DENND2C: variants seen among roughly 807,000 people sequenced by gnomAD.
DENND2C encodes the protein DENN domain containing 2C.
A neutral mutation model predicts 112.4 loss-of-function variants in DENND2C; 72 were observed. That is an observed-to-expected ratio of 0.64 (90% confidence interval 0.53 to 0.78). The LOEUF (loss-of-function observed/expected upper bound fraction) is 0.78, where lower values mean the gene tolerates loss of function less well. DENND2C is among the 30% of genes least tolerant of loss of function. DENND2C has a pLI of 0.00. For synonymous variants in DENND2C, 329 were observed against 381.6 expected, an observed-to-expected ratio of 0.86 and a Z score of 1.61; for missense variants, 992 against 1,113.8, an observed-to-expected ratio of 0.89 and a Z score of 1.56.
chr1:114,650,993 C>CAGGTGCAAAATCCATGGATACAGAA (rs1657144525), intron 2 of DENND2C, among the ~76,000 whole-genome samples: 1 of 152,030 alleles, frequency 6.6e-6, no homozygotes, highest in South Asian at 2.1e-4. Context: ...CCTGTAGTCC[C>CAGGTGCAAAATCCATGGATACAGAA]AGCTACTTGG....
At chr1:114,611,997 AT>A (rs1377852438) in intron 8 of DENND2C, among the ~76,000 whole-genome samples, 1 of 152,234 alleles carries the variant, frequency 6.6e-6, no homozygotes, top group Non-Finnish European at 1.5e-5. Flanking sequence ...CTGGGAAAAT[AT>A]TTGTAAACAC....
In DENND2C at chr1:114,600,363, A is replaced by T. The variant is rs1341308115; in HGVS notation, c.1957-11T>A. On this transcript the variant is annotated splice_polypyrimidine_tract_variant and intron_variant, in intron 14 of 20. Coordinates refer to ENST00000393274, the MANE Select transcript of DENND2C (RefSeq NM_001256404.2). ...GCAGAGTTCAATGGACTGAAATGCA[A>T]GAAGTTGAATCAGGTGAGCTAATGT... 1 of 1,613,918 alleles carries T rather than the reference A, an allele frequency of 6.2e-7. No homozygotes were observed. The highest frequency in any genetic ancestry group is 8.5e-7 in the Non-Finnish European group (1 of 1,179,856).
At chr1:114,602,729 A>C (rs568403608) in intron 11 of DENND2C, among the ~76,000 whole-genome samples, 19 of 152,038 alleles carry the variant, frequency 1.2e-4, no homozygotes, top group Non-Finnish European at 2.6e-4. Context: ...ATGCCCCACT[A>C]ATCTTTTAAT....
At chr1:114,655,274 T>C (rs1657277009) in intron 1 of DENND2C, among the ~76,000 whole-genome samples, 2 of 152,084 alleles carry the variant, frequency 1.3e-5, no homozygotes, top group Non-Finnish European at 2.9e-5. Context: ...CATTAGAAAA[T>C]TATATGCATC....
chr1:114,616,434 C>T (rs1655974855), intron 8 of DENND2C, among the ~76,000 whole-genome samples: 1 of 151,788 alleles, frequency 6.6e-6, no homozygotes. Flanking sequence ...TAGAAGTCTG[C>T]AAAAAGAAGA....
At chr1:114,611,480 C>G (rs574976197) in intron 8 of DENND2C, among the ~76,000 whole-genome samples, 4 of 152,032 alleles carry the variant, frequency 2.6e-5, no homozygotes, top group Non-Finnish European at 4.4e-5. Context: ...GTATCAAAGG[C>G]AAACACCAAC....
intron 11 of DENND2C, among the ~76,000 whole-genome samples, chr1:114,602,983 C>T (rs1278895444): frequency 6.6e-6 from 1 of 152,064 alleles, no homozygotes; most frequent in African/African-American, 2.4e-5. Context: ...CTGTATAGAG[C>T]AGCAATAGGC....
chr1:114,584,660 C>T lies in DENND2C; in HGVS notation c.*940G>A, dbSNP rs572069958. On this transcript the variant is annotated 3_prime_UTR_variant, in exon 21 of 21. Coordinates refer to ENST00000393274, the MANE Select transcript of DENND2C (RefSeq NM_001256404.2). ...GGTTGAGATGATATGCATACATATA[C>T]CACAGTGCATGGCACATGGTGGACA... The T allele has an allele frequency of 6.6e-6, 1 of 152,260 alleles. No homozygotes were observed. Among genetic ancestry groups the T allele is most frequent in the South Asian group, 2.1e-4 (1 of 4,818 alleles). The allele number at this position is 152,260 out of a possible 1,614,324, so 9.4% of individuals were successfully genotyped here.
chr1:114,585,471 C>A lies in DENND2C; in HGVS notation c.*129G>T. The A allele has an allele frequency of 1.1e-6, 1 of 948,898 alleles. No homozygotes were observed. Among genetic ancestry groups the A allele is most frequent in the Non-Finnish European group, 1.6e-6 (1 of 621,766 alleles). The allele number at this position is 948,898 out of a possible 1,614,324, so 58.8% of individuals were successfully genotyped here. ...CAACAGGAGAATCCTCCTCTAACAG[C>A]CTGACTCGCTCTTTAACCTTTTAAA... On this transcript the variant is annotated 3_prime_UTR_variant, in exon 21 of 21. Transcript: ENST00000393274.
chr1:114,585,769 T>A, intron 20 of DENND2C, 138 bp from the exon 21 acceptor site: 1 of 834,354 alleles, frequency 1.2e-6, no homozygotes, highest in Non-Finnish European at 1.9e-6. Flanking sequence ...TTGATGTGTT[T>A]AACCCCCAAA....
intron 13 of DENND2C, 25 bp downstream of exon 13, chr1:114,601,483 T>C: frequency 6.2e-7 from 1 of 1,600,844 alleles, no homozygotes; most frequent in Admixed American, 1.7e-5. Flanking sequence ...GACACCATTT[T>C]TCATACAGCT....
At chr1:114,668,705 C>T (rs1332451338) in intron 1 of DENND2C, among the ~76,000 whole-genome samples, 1 of 152,088 alleles carries the variant, frequency 6.6e-6, no homozygotes, top group Non-Finnish European at 1.5e-5. Flanking sequence ...CCGCTAAAAT[C>T]CCTCGCACAC....
At chr1:114,665,147 T>C (rs1657610277) in intron 1 of DENND2C, among the ~76,000 whole-genome samples, 1 of 151,684 alleles carries the variant, frequency 6.6e-6, no homozygotes, top group South Asian at 2.1e-4. Flanking sequence ...TGCATGCCTG[T>C]AGTCCTAGTT....
chr1:114,626,632 T>C (rs571142780), intron 3 of DENND2C, among the ~76,000 whole-genome samples: 1 of 149,586 alleles, frequency 6.7e-6, no homozygotes, highest in South Asian at 2.1e-4. Flanking sequence ...CCCCTCAGCC[T>C]CCTGAGTAGC....
In DENND2C at chr1:114,585,456, A is replaced by G. The variant is rs961628669; in HGVS notation, c.*144T>C. On this transcript the variant is annotated 3_prime_UTR_variant, in exon 21 of 21. Transcript: ENST00000393274. ...TGATTACTACAGCAGCAACAGGAGA[A>G]TCCTCCTCTAACAGCCTGACTCGCT... 2.5e-6 allele frequency: 2 copies of G among 788,974 alleles called. No individual in the cohort carries two copies. The highest frequency in any genetic ancestry group is 5.2e-5 in the Admixed American group (2 of 38,236). 48.9% of individuals were successfully genotyped at this position (788,974 alleles called of 1,614,324 possible). A position where few individuals can be genotyped will look rare whatever the true frequency, so the allele number is the denominator to read the frequency against.
intron 3 of DENND2C, among the ~76,000 whole-genome samples, chr1:114,634,077 C>G (rs1357663099): frequency 6.6e-6 from 1 of 152,080 alleles, no homozygotes; most frequent in East Asian, 1.9e-4. Flanking sequence ...TCAAGAATAC[C>G]TAGCAATCCT....
At chr1:114,639,219 T>C (rs1331912875) in intron 3 of DENND2C, among the ~76,000 whole-genome samples, 1 of 152,186 alleles carries the variant, frequency 6.6e-6, no homozygotes, top group African/African-American at 2.4e-5. Flanking sequence ...CAAGTATTGC[T>C]AGCGTAACAT....
At position 114,599,543 on chromosome 1, in the gene DENND2C, G is replaced by C. The variant is rs190920274; in HGVS notation, c.2106-92C>G. 276 of 1,069,996 alleles carry C rather than the reference G, an allele frequency of 2.6e-4. 1 individual carries two copies. In the African/African-American group the frequency reaches 3.6e-3, roughly 14 times the overall value. 66.3% of individuals were successfully genotyped at this position (1,069,996 alleles called of 1,614,324 possible). A position where few individuals can be genotyped will look rare whatever the true frequency, so the allele number is the denominator to read the frequency against. ...TGTTAAAGAATTAAAAATTGATGCT[G>C]GTTAGTGATCATAGATTAAAAACTA... On this transcript the variant is annotated intron_variant, in intron 15 of 20. Transcript: ENST00000393274.
chr1:114,652,911 T>G (rs1380120761), intron 2 of DENND2C, among the ~76,000 whole-genome samples: 2 of 151,996 alleles, frequency 1.3e-5, no homozygotes, highest in Non-Finnish European at 2.9e-5. Context: ...GCTATGTAAA[T>G]TACTATTATA....
Sources: allele counts gnomAD v4.1 joint callset (sites outside exome capture counted in the v4.1 genomes callset), GRCh38; gene constraint gnomAD v4.1.1; transcripts MANE v1.5; gene names NCBI Gene and HGNC (gene_info 2026-07-23, HGNC 2026-07-21).